SLC16A2: variants seen among roughly 807,000 people sequenced by gnomAD.
The protein encoded by SLC16A2 is solute carrier family 16 member 2.
A neutral mutation model predicts 27.2 loss-of-function variants in SLC16A2; 3 were observed. That is an observed-to-expected ratio of 0.11 (90% confidence interval 0.05 to 0.28). The LOEUF is 0.28. SLC16A2 is among the 10% of genes least tolerant of loss of function. The pLI, the probability that SLC16A2 is intolerant of heterozygous loss-of-function variation, is 1.00. For synonymous variants in SLC16A2, 202 were observed against 187.8 expected, an observed-to-expected ratio of 1.08 and a Z score of -0.62; for missense variants, 295 against 458.5, an observed-to-expected ratio of 0.64 and a Z score of 3.26.
chrX:74,448,609 T>C (rs1928882537), intron 1 of SLC16A2, among the ~76,000 whole-genome samples: 1 of 111,083 alleles, frequency 9.0e-6, no homozygotes, highest in Non-Finnish European at 1.9e-5. Flanking sequence ...CAGGTATACA[T>C]TCTTAGACCC....
intron 1 of SLC16A2, among the ~76,000 whole-genome samples, chrX:74,437,371 CGAG>C (rs1928647413): frequency 8.9e-6 from 1 of 112,228 alleles, no homozygotes; most frequent in Non-Finnish European, 1.9e-5. Flanking sequence ...CTCCACATGA[CGAG>C]GAGATCAAGC....
At chrX:74,422,092 T>C (rs1196928116) in intron 1 of SLC16A2, 25 bp downstream of exon 1, 1 of 1,197,748 alleles carries the variant, frequency 8.3e-7, no homozygotes, top group Admixed American at 2.2e-5. Context: ...ACGCCCCACT[T>C]GGCATTTTGG....
At chrX:74,502,773 A>G (rs1930058824) in intron 1 of SLC16A2, among the ~76,000 whole-genome samples, 1 of 111,495 alleles carries the variant, frequency 9.0e-6, no homozygotes, top group African/African-American at 3.3e-5. Context: ...ACGGACCCTG[A>G]CAATTGACAA....
chrX:74,430,319 C>A (rs894450554), intron 1 of SLC16A2, among the ~76,000 whole-genome samples: 20 of 111,852 alleles, frequency 1.8e-4, no homozygotes, highest in African/African-American at 6.5e-4. Flanking sequence ...AGAACTCCTG[C>A]TTTTAGACCT....
At chrX:74,460,407 T>A (rs1055206776) in intron 1 of SLC16A2, among the ~76,000 whole-genome samples, 3 of 111,745 alleles carry the variant, frequency 2.7e-5, no homozygotes, top group Non-Finnish European at 5.6e-5. Context: ...CCTCATCCTC[T>A]CTTTCACTCA....
intron 1 of SLC16A2, among the ~76,000 whole-genome samples, chrX:74,449,198 C>A (rs941768111): frequency 4.5e-5 from 5 of 112,074 alleles, no homozygotes; most frequent in African/African-American, 1.6e-4. Flanking sequence ...TCTAACCTTA[C>A]CACTGTCATG....
chrX:74,531,226 G>A (rs1340650766), intron 5 of SLC16A2, 107 bp from the exon 6 acceptor site: 10 of 656,952 alleles, frequency 1.5e-5, no homozygotes, highest in Admixed American at 1.0e-4. Flanking sequence ...GGCAATACAC[G>A]CCAAGATTAT....
Position 74,488,694 on chromosome X carries a change from A to C in SLC16A2, c.431-32296A>C, listed in dbSNP as rs1019550938. On this transcript the variant is annotated intron_variant, in intron 1 of 5. Transcript: ENST00000587091. The stretch of plus-strand genomic sequence containing the variant: ...TGTTTGGATTTTCTGTTTTGTCCTA[A>C]ATATCTCTCTTTCTTGAACAACCCA... Among the ~76,000 whole-genome samples, 7 of 111,438 alleles carry C rather than the reference A, an allele frequency of 6.3e-5. 1 individual carries two copies.
chrX:74,517,330 T>C (rs774189522), intron 1 of SLC16A2, among the ~76,000 whole-genome samples: 2 of 112,261 alleles, frequency 1.8e-5, no homozygotes, highest in Non-Finnish European at 3.8e-5. Flanking sequence ...AAACATAATT[T>C]AAAGTTTCTT....
In SLC16A2 at chrX:74,532,780, G is replaced by A. The variant is rs1372788668; in HGVS notation, c.*1227G>A. 8.9e-6 allele frequency: 1 copy of A among 112,445 alleles called. No individual in the cohort carries two copies. The highest frequency in any genetic ancestry group is 1.9e-5 in the Non-Finnish European group (1 of 53,217). The allele number at this position is 112,445 out of a possible 1,213,427, so 9.3% of individuals were successfully genotyped here. On this transcript the variant is annotated 3_prime_UTR_variant, in exon 6 of 6. Coordinates refer to ENST00000587091, the MANE Select transcript of SLC16A2 (RefSeq NM_006517.5). ...GCCATCCCAGCCTTTACCACCCAAT[G>A]TGTCTCCCATGCTGGGCATCCTAGG...
intron 1 of SLC16A2, among the ~76,000 whole-genome samples, chrX:74,442,760 G>A (rs1488718709): frequency 8.9e-6 from 1 of 111,763 alleles, no homozygotes; most frequent in Non-Finnish European, 1.9e-5. Flanking sequence ...TTTAAGACCA[G>A]CCTGGCCAAT....
intron 1 of SLC16A2, among the ~76,000 whole-genome samples, chrX:74,516,817 A>G (rs1224064727): frequency 8.9e-6 from 1 of 111,902 alleles, no homozygotes; most frequent in Non-Finnish European, 1.9e-5. Context: ...CAGTTCAAAG[A>G]CAGAGATTGG....
intron 1 of SLC16A2, among the ~76,000 whole-genome samples, chrX:74,455,031 G>A (rs777070637): frequency 8.9e-6 from 1 of 112,321 alleles, no homozygotes; most frequent in South Asian, 3.7e-4. Context: ...AAGCCAGAAT[G>A]CCTGGGTTCA....
intron 1 of SLC16A2, among the ~76,000 whole-genome samples, chrX:74,456,688 T>C (rs146945046): frequency 2.1e-4 from 24 of 112,297 alleles, no homozygotes; most frequent in Non-Finnish European, 4.3e-4. Context: ...CTTTCAATCT[T>C]GGATCTGCAT....
In SLC16A2 at chrX:74,421,726, A is replaced by G. The variant is rs775651116; in HGVS notation, c.89A>G (p.Glu30Gly). Reference sequence around the variant, plus strand: ...CAGCAGGAGCCGGTGGGTAGCCCAGAGCCGGAGTCTGAGCCGGAGCCTGAG... The same window carrying G: ...CAGCAGGAGCCGGTGGGTAGCCCAGGGCCGGAGTCTGAGCCGGAGCCTGAG... ...QEQQEPVGSP[E>G]PESEPEPEPE... Residue 30 changes from glutamate (E) to glycine (G), a missense_variant, in exon 1 of 6, where the codon GAG (glutamate) becomes GGG (glycine). This residue lies in a region of SLC16A2 where 92 missense variants were observed against 85.1 expected (regional missense o/e 1.08). Transcript: ENST00000587091. 1.5e-5 allele frequency: 17 copies of G among 1,167,569 alleles called. No individual in the cohort carries two copies. The highest frequency in any genetic ancestry group is 5.3e-5 in the African/African-American group (3 of 56,226).
Position 74,421,655 on chromosome X carries a change from G to A in SLC16A2, c.18G>A (p.Gln6=). The A allele has an allele frequency of 3.3e-6, 4 of 1,204,348 alleles. No individual in the cohort carries two copies. Among genetic ancestry groups the A allele is most frequent in the South Asian group, 3.6e-5 (2 of 56,151 alleles). Residue 6 remains glutamine, a synonymous_variant, in exon 1 of 6, where the codon CAG becomes CAA. Transcript: ENST00000587091. The stretch of plus-strand genomic sequence containing the variant: ...CCGCCGCGATGGCGCTGCAAAGCCA[G>A]GCGAGCGAGGAAGCAAAGGGGCCCT... MALQS[Q]ASEEAKGPWQ... is the part of the protein sequence containing the mutation.
chrX:74,503,061 C>G, intron 1 of SLC16A2, among the ~76,000 whole-genome samples: 1 of 109,664 alleles, frequency 9.1e-6, no homozygotes. Context: ...TGTTTGCAAC[C>G]TTTCCTGTAC....
chrX:74,520,301 C>T lies in SLC16A2; in HGVS notation c.431-689C>T, dbSNP rs753282041. Reference sequence around the variant, plus strand: ...ATGAAACTTGATAACAGCCTTCAGACGAAATAAAAAAAAAAGCTTGAACTT... The same window carrying T: ...ATGAAACTTGATAACAGCCTTCAGATGAAATAAAAAAAAAAGCTTGAACTT... On this transcript the variant is annotated intron_variant, in intron 1 of 5. Coordinates refer to ENST00000587091, the MANE Select transcript of SLC16A2 (RefSeq NM_006517.5). Among the ~76,000 whole-genome samples the T allele has an allele frequency of 8.2e-5, 9 of 109,734 alleles. No homozygotes were observed. In the East Asian group the frequency reaches 1.4e-3, roughly 17 times the overall value.
rs770982879 is a variant in SLC16A2, at chrX:74,518,884, T to G, written c.431-2106T>G. On this transcript the variant is annotated intron_variant, in intron 1 of 5. Transcript: ENST00000587091. ...TCAGATTTTGTGTGCTGCAAAATTT[T>G]TCTGTCTATGGCTTGCCTTTTCATT... is the stretch of plus-strand genomic sequence containing the variant. Among the ~76,000 whole-genome samples, 10 of 112,137 alleles carry G rather than the reference T, an allele frequency of 8.9e-5. 1 individual carries two copies. The highest frequency in any genetic ancestry group is 9.7e-5 in the African/African-American group (3 of 30,865).
Sources: gnomAD v4.1 joint callset for allele counts (sites outside exome capture counted in the v4.1 genomes callset) on GRCh38, gnomAD v4.1.1 for gene constraint, gnomAD v4.1.1 regional missense constraint, MANE v1.5 for transcripts, NCBI Gene and HGNC (gene_info 2026-07-23, HGNC 2026-07-21) for gene names.